Variants in OPCML observed in about 807,000 individuals in gnomAD.
OPCML encodes opioid-binding protein/cell adhesion molecule.
OPCML carries 13 observed loss-of-function variants against 37.8 expected under a neutral mutation model. The ratio of observed to expected loss-of-function variants is 0.34; its 90% CI spans 0.22 to 0.55. OPCML has a LOEUF of 0.55. Ranked by LOEUF, OPCML falls within the 20% of genes least tolerant of loss-of-function variation. OPCML has a pLI of 0.91. For missense variants in OPCML, 341 were observed against 435.6 expected, an observed-to-expected ratio of 0.78 and a Z score of 1.93; for synonymous variants, 176 against 168.8, an observed-to-expected ratio of 1.04 and a Z score of -0.33.
At chr11:133,484,119 TA>T (rs36161025) in intron 1 of OPCML, among the ~76,000 whole-genome samples, 31,826 of 149,686 alleles carry the variant, frequency 0.21, 3,905 homozygotes, top group African/African-American at 0.29. Context: ...AGATGATAGA[TA>T]GATGATTGAT....
chr11:133,031,854 T>A (rs1417837252), intron 1 of OPCML, among the ~76,000 whole-genome samples: 1 of 152,160 alleles, frequency 6.6e-6, no homozygotes, highest in Non-Finnish European at 1.5e-5. Flanking sequence ...TCAAGACCTC[T>A]CAACAAGAAT....
At chr11:132,725,634 T>C (rs1944852060) in intron 2 of OPCML, among the ~76,000 whole-genome samples, 1 of 152,142 alleles carries the variant, frequency 6.6e-6, no homozygotes, top group Non-Finnish European at 1.5e-5. Context: ...CAAACTTTTA[T>C]TCTCTGCTTC....
chr11:133,377,148 G>A (rs1294435325), intron 1 of OPCML, among the ~76,000 whole-genome samples: 10 of 152,166 alleles, frequency 6.6e-5, no homozygotes, highest in Admixed American at 6.5e-4. Context: ...ATCCTAACAG[G>A]TTGACGTGCT....
At chr11:133,230,009 T>A (rs1940208657) in intron 1 of OPCML, among the ~76,000 whole-genome samples, 1 of 145,040 alleles carries the variant, frequency 6.9e-6, no homozygotes, top group African/African-American at 2.4e-5. Context: ...AGATATTTCA[T>A]AAAAATGCCC....
chr11:133,164,145 C>T (rs910068798), intron 1 of OPCML, among the ~76,000 whole-genome samples: 1 of 152,180 alleles, frequency 6.6e-6, no homozygotes, highest in Non-Finnish European at 1.5e-5. Flanking sequence ...AAAAGTTGCT[C>T]GGATCAGAGC....
At chr11:132,543,854 C>T (rs896773020) in intron 3 of OPCML, among the ~76,000 whole-genome samples, 13 of 152,164 alleles carry the variant, frequency 8.5e-5, no homozygotes, top group Admixed American at 8.5e-4. Flanking sequence ...CAGCAATTAG[C>T]TTCCCAAATA....
chr11:133,008,330 A>G, intron 1 of OPCML: 1 of 985,390 alleles, frequency 1.0e-6, no homozygotes, highest in Non-Finnish European at 1.2e-6. Context: ...TAAAATGAAA[A>G]TGGGAAAGAG....
chr11:133,281,534 A>G lies in OPCML; in HGVS notation c.61+250730T>C, dbSNP rs181855834. ...TTTTCTTTATAAATTACCCAGCCTC[A>G]TGTATTCCTTTACAGAGATGCAAAA... On this transcript the variant is annotated intron_variant, in intron 1 of 7. Coordinates refer to ENST00000524381, the MANE Select transcript of OPCML (RefSeq NM_001012393.5). Among the ~76,000 whole-genome samples the G allele has an allele frequency of 3.1e-3, 465 of 152,244 alleles. 3 individuals are homozygous for G. Among genetic ancestry groups the G allele is most frequent in the Non-Finnish European group, 5.5e-3 (372 of 68,022 alleles).
In OPCML at chr11:132,522,739, T is replaced by C. The variant is rs535931119; in HGVS notation, c.505+6322A>G. On this transcript the variant is annotated intron_variant, in intron 4 of 7. Transcript: ENST00000524381. ...TAACAACTCAGTCCAGATCTCATGC[T>C]TAGGTTGATAAGACTCTGAAGTCCA... 1.6e-4 allele frequency among the ~76,000 whole-genome samples: 24 copies of C among 152,324 alleles called. No individual in the cohort carries two copies. In the South Asian group the frequency reaches 4.8e-3, roughly 30 times the overall value.
intron 4 of OPCML, among the ~76,000 whole-genome samples, chr11:132,509,612 G>A (rs773173513): frequency 1.3e-5 from 2 of 152,246 alleles, no homozygotes; most frequent in Non-Finnish European, 2.9e-5. Flanking sequence ...AGGGGCACAT[G>A]TACAGCGCAG....
intron 2 of OPCML, among the ~76,000 whole-genome samples, chr11:132,732,365 G>A (rs1945106752): frequency 6.6e-6 from 1 of 152,198 alleles, no homozygotes; most frequent in African/African-American, 2.4e-5. Flanking sequence ...GACTTGCTAA[G>A]AGAGATTGTG....
intron 1 of OPCML, among the ~76,000 whole-genome samples, chr11:133,196,437 C>T (rs183065076): frequency 1.1e-3 from 172 of 152,314 alleles, no homozygotes; most frequent in Non-Finnish European, 1.9e-3. Context: ...ACATATTCAT[C>T]TTTTCAAAAG....
chr11:133,352,792 A>G (rs763837219), intron 1 of OPCML, among the ~76,000 whole-genome samples: 10 of 152,180 alleles, frequency 6.6e-5, no homozygotes, highest in Non-Finnish European at 1.3e-4. Flanking sequence ...TAAAAATAAT[A>G]TTTTTCAAGG....
intron 1 of OPCML, among the ~76,000 whole-genome samples, chr11:133,531,858 G>A (rs1948612213): frequency 6.6e-6 from 1 of 152,086 alleles, no homozygotes; most frequent in Non-Finnish European, 1.5e-5. Flanking sequence ...AGAGAGATAA[G>A]AGGGTGCCCC....
intron 1 of OPCML, among the ~76,000 whole-genome samples, chr11:133,362,576 T>C (rs1042772640): frequency 6.6e-6 from 1 of 152,138 alleles, no homozygotes; most frequent in East Asian, 1.9e-4. Context: ...GAAGATTCCA[T>C]CTCTCTCTGA....
chr11:132,713,286 AGG>A (rs1944342514), intron 2 of OPCML, among the ~76,000 whole-genome samples: 1 of 152,192 alleles, frequency 6.6e-6, no homozygotes, highest in East Asian at 1.9e-4. Flanking sequence ...CTAATCCTAC[AGG>A]TGCAACAGTT....
chr11:133,479,457 T>C (rs2137023016), intron 1 of OPCML, among the ~76,000 whole-genome samples: 1 of 152,180 alleles, frequency 6.6e-6, no homozygotes, highest in East Asian at 1.9e-4. Context: ...ACAGGTAAAT[T>C]GGCAACCTGG....
intron 7 of OPCML, 126 bp downstream of exon 7, chr11:132,435,960 T>A: frequency 1.2e-6 from 1 of 827,392 alleles, no homozygotes; most frequent in Non-Finnish European, 1.8e-6. Context: ...GTATGTCTTA[T>A]CTACAGGTGG....
intron 1 of OPCML, among the ~76,000 whole-genome samples, chr11:133,018,160 T>C (rs1011034753): frequency 6.6e-6 from 1 of 152,196 alleles, no homozygotes; most frequent in Non-Finnish European, 1.5e-5. Flanking sequence ...TTTAAGAGTC[T>C]GATAGCTAGG....
Sources: allele counts gnomAD v4.1 joint callset (sites outside exome capture counted in the v4.1 genomes callset), GRCh38; gene constraint gnomAD v4.1.1; transcripts MANE v1.5; gene names NCBI Gene and HGNC (gene_info 2026-07-23, HGNC 2026-07-21).